The following SH3D19 variants were observed in gnomAD, a reference collection of about 807,000 sequenced individuals.
The protein encoded by SH3D19 is SH3 domain containing 19, also known as SH3 domain-containing protein 19.
SH3D19 carries 58 observed loss-of-function variants against 112.1 expected under a neutral mutation model. The ratio of observed to expected loss-of-function variants is 0.52; its 90% CI spans 0.42 to 0.64. The LOEUF (loss-of-function observed/expected upper bound fraction) is 0.64. Ranked by LOEUF, SH3D19 falls within the 30% of genes least tolerant of loss-of-function variation. SH3D19 has a pLI of 0.00. For missense variants in SH3D19, 1,090 were observed against 1,263.4 expected, an observed-to-expected ratio of 0.86 and a Z score of 2.08; for synonymous variants, 391 against 448.5, an observed-to-expected ratio of 0.87 and a Z score of 1.62.
chr4:151,143,801 G>T, intron 12 of SH3D19, 109 bp downstream of exon 12: 2 of 1,260,702 alleles, frequency 1.6e-6, no homozygotes, highest in East Asian at 2.4e-5. Context: ...TTTTTACTCT[G>T]GTTAAAATAA....
chr4:151,268,565 A>T (rs1480228485), intron 1 of SH3D19, among the ~76,000 whole-genome samples: 2 of 145,440 alleles, frequency 1.4e-5, no homozygotes, highest in Non-Finnish European at 3.0e-5. Flanking sequence ...AGCATTAGGT[A>T]TATCTCCTAA....
intron 1 of SH3D19, among the ~76,000 whole-genome samples, chr4:151,251,265 C>A (rs1350754268): frequency 1.4e-5 from 2 of 143,824 alleles, no homozygotes; most frequent in Non-Finnish European, 3.0e-5. Flanking sequence ...ATGGTGTGAT[C>A]TTGGCTCACT....
chr4:151,235,614 T>C (rs758241183), intron 1 of SH3D19, among the ~76,000 whole-genome samples: 2 of 152,052 alleles, frequency 1.3e-5, no homozygotes, highest in Non-Finnish European at 2.9e-5. Flanking sequence ...GGTGAAAACC[T>C]GTCTGTACTA....
intron 1 of SH3D19, among the ~76,000 whole-genome samples, chr4:151,294,016 C>T (rs1775537162): frequency 6.6e-6 from 1 of 152,216 alleles, no homozygotes; most frequent in Admixed American, 6.5e-5. Context: ...CAGGACAGGT[C>T]CTCCTAATTC....
chr4:151,212,903 G>C (rs1254275598), intron 2 of SH3D19, among the ~76,000 whole-genome samples: 1 of 152,192 alleles, frequency 6.6e-6, no homozygotes, highest in Non-Finnish European at 1.5e-5. Flanking sequence ...CATGGGAGGA[G>C]GGCAACGTAA....
At chr4:151,153,467 G>A (rs1430927672) in intron 9 of SH3D19, among the ~76,000 whole-genome samples, 1 of 151,728 alleles carries the variant, frequency 6.6e-6, no homozygotes, top group East Asian at 1.9e-4. Flanking sequence ...GGCTGGTCTC[G>A]AACTCCTGAC....
chr4:151,140,317 A>G (rs1752765330), intron 12 of SH3D19: 1 of 152,854 alleles, frequency 6.5e-6, no homozygotes, highest in Non-Finnish European at 1.5e-5. Context: ...AAAGGAGCTA[A>G]TGACTTTCAA....
At chr4:151,246,842 TATC>T (rs1323999402) in intron 1 of SH3D19, among the ~76,000 whole-genome samples, 1 of 152,240 alleles carries the variant, frequency 6.6e-6, no homozygotes, top group Admixed American at 6.5e-5. Context: ...TTATTCTGCT[TATC>T]ATAAGTAAAG....
intron 2 of SH3D19, among the ~76,000 whole-genome samples, chr4:151,201,071 T>C (rs1308069214): frequency 1.3e-5 from 2 of 152,250 alleles, no homozygotes; most frequent in East Asian, 1.9e-4. Flanking sequence ...ATAATTACTT[T>C]AATAATTTGT....
At chr4:151,208,754 T>G (rs918087272) in intron 2 of SH3D19, among the ~76,000 whole-genome samples, 1 of 151,260 alleles carries the variant, frequency 6.6e-6, no homozygotes, top group African/African-American at 2.4e-5. Flanking sequence ...CTCAGCTCAC[T>G]GCAAGCTCCG....
chr4:151,292,491 C>T (rs1482355371), intron 1 of SH3D19, among the ~76,000 whole-genome samples: 1 of 152,124 alleles, frequency 6.6e-6, no homozygotes, highest in Non-Finnish European at 1.5e-5. Context: ...AACTTCACAT[C>T]TATAAAAAAA....
chr4:151,210,916 C>T (rs1203696932), intron 2 of SH3D19, among the ~76,000 whole-genome samples: 1 of 151,958 alleles, frequency 6.6e-6, no homozygotes, highest in East Asian at 1.9e-4. Context: ...CTTGCTCTGT[C>T]ACCCAGGCTG....
intron 1 of SH3D19, among the ~76,000 whole-genome samples, chr4:151,235,531 T>A (rs1769972715): frequency 6.6e-6 from 1 of 152,204 alleles, no homozygotes. Context: ...ACACCTGTAA[T>A]CCCAGCAGTT....
intron 2 of SH3D19, among the ~76,000 whole-genome samples, chr4:151,214,954 T>C (rs551719928): frequency 1.2e-4 from 16 of 136,334 alleles, no homozygotes; most frequent in Admixed American, 2.9e-4. Context: ...CCTTCTCAGA[T>C]GGGGCGGCTG....
intron 1 of SH3D19, among the ~76,000 whole-genome samples, chr4:151,257,083 G>A (rs1381060780): frequency 1.3e-5 from 2 of 151,148 alleles, no homozygotes; most frequent in Non-Finnish European, 2.9e-5. Context: ...TTATTTATTT[G>A]TTTGTTTGTT....
intron 2 of SH3D19, among the ~76,000 whole-genome samples, chr4:151,198,329 A>T (rs1206379392): frequency 5.2e-5 from 3 of 57,396 alleles, no homozygotes; most frequent in Non-Finnish European, 7.4e-5. Flanking sequence ...TATATATATA[A>T]TATAAAAATA....
At chr4:151,129,922 C>T (rs935714461) in intron 17 of SH3D19, among the ~76,000 whole-genome samples, 1 of 152,220 alleles carries the variant, frequency 6.6e-6, no homozygotes, top group Non-Finnish European at 1.5e-5. Flanking sequence ...CCTCTTGCTC[C>T]TGCACTTGAG....
intron 1 of SH3D19, chr4:151,279,207 G>C (rs1271744870): frequency 7.9e-6 from 2 of 253,512 alleles, no homozygotes; most frequent in Non-Finnish European, 1.5e-5. Context: ...AGAAAGAAGA[G>C]AAAGAGAAAT....
intron 2 of SH3D19, among the ~76,000 whole-genome samples, chr4:151,201,092 T>A (rs555856138): frequency 6.6e-6 from 1 of 152,344 alleles, no homozygotes; most frequent in African/African-American, 2.4e-5. Context: ...GTGCTATTTT[T>A]AAAAATTGCT....
Sources: allele counts gnomAD v4.1 joint callset (sites outside exome capture counted in the v4.1 genomes callset), GRCh38; gene constraint gnomAD v4.1.1; transcripts MANE v1.5; gene names NCBI Gene and HGNC (gene_info 2026-07-23, HGNC 2026-07-21).